BACH1: variants seen among roughly 807,000 people sequenced by gnomAD.
The protein encoded by BACH1 is BTB domain and CNC homolog 1.
Under a neutral mutation model 52.9 loss-of-function variants are expected in BACH1, and 35 were observed. The observed-to-expected ratio is 0.66, with a 90% CI of 0.51 to 0.88. BACH1 has a LOEUF of 0.88. BACH1 is among the 40% of genes least tolerant of loss of function. The pLI, the probability that BACH1 is intolerant of heterozygous loss-of-function variation, is 0.00. For synonymous variants in BACH1, 321 were observed against 319.6 expected (o/e 1.00, Z -0.05); for missense variants, 808 against 872.6 (o/e 0.93, Z 0.93).
intron 4 of BACH1, 32 bp downstream of exon 4, chr21:29,329,725 A>C: frequency 7.1e-7 from 1 of 1,411,028 alleles, no homozygotes; most frequent in East Asian, 2.6e-5. Context: ...TACTATTTAA[A>C]TTCCACCACT....
chr21:29,342,646 G>T lies in BACH1; in HGVS notation c.2024G>T (p.Arg675Leu), dbSNP rs906193032. 1 of 1,613,956 alleles carries T rather than the reference G, an allele frequency of 6.2e-7. No individual in the cohort carries two copies. Among genetic ancestry groups the T allele is most frequent in the African/African-American group, 1.3e-5 (1 of 74,872 alleles). The change falls in exon 5 of 5, where the codon CGG (arginine) becomes CTG (leucine). Residue 675 changes from arginine (R) to leucine (L), a missense_variant. Physicochemically the swap from Arg to Leu is moderately radical, Grantham distance 102. Coordinates refer to ENST00000286800, the MANE Select transcript of BACH1 (RefSeq NM_001186.4). ...CCATCAATTTTCAGTTTATCTGACCGGCCTCCAGCAGTGCTGCCTCCCTGT... is the reference window on the plus strand; with the variant it reads ...CCATCAATTTTCAGTTTATCTGACCTGCCTCCAGCAGTGCTGCCTCCCTGT... ...ALPSIFSLSD[R>L]PPAVLPPCAR...
Position 29,327,296 on chromosome 21 carries a change from C to T in BACH1, c.1472C>T (p.Pro491Leu). The T allele has an allele frequency of 6.2e-7, 1 of 1,614,190 alleles. No homozygotes were observed. The highest frequency in any genetic ancestry group is 8.5e-7 in the Non-Finnish European group (1 of 1,180,046). Reference protein sequence around the residue: ...DDYVSEPQQEPCPYACVISLG... With the variant: ...DDYVSEPQQELCPYACVISLG... ...TATGTTTCAGAACCCCAGCAAGAAC[C>T]TTGCCCATATGCTTGTGTCATTAGC... The change falls in exon 3 of 5, where the codon CCT becomes CTT. Residue 491 changes from proline (P) to leucine (L), a missense_variant. Pro to Leu is a moderately conservative substitution (Grantham distance 98). Transcript: ENST00000286800.
Position 29,343,700 on chromosome 21 carries a change from C to T in BACH1, c.*867C>T. Reference sequence around the variant, plus strand: ...GGCTCCCTAGAATCTGGAGAGCTTACCAACATGTAAAGCTGTTCATTTTTC... The same window carrying T: ...GGCTCCCTAGAATCTGGAGAGCTTATCAACATGTAAAGCTGTTCATTTTTC... On this transcript the variant is annotated 3_prime_UTR_variant, in exon 5 of 5. Coordinates refer to ENST00000286800, the MANE Select transcript of BACH1 (RefSeq NM_001186.4). 6.6e-6 allele frequency: 1 copy of T among 152,158 alleles called. No individual in the cohort carries two copies. Among genetic ancestry groups the T allele is most frequent in the Admixed American group, 6.5e-5 (1 of 15,268 alleles). 9.4% of individuals were successfully genotyped at this position (152,158 alleles called of 1,614,324 possible). A position where few individuals can be genotyped will look rare whatever the true frequency, so the allele number is the denominator to read the frequency against.
intron 4 of BACH1, among the ~76,000 whole-genome samples, chr21:29,331,453 T>G (rs763536259): frequency 5.3e-5 from 8 of 152,212 alleles, no homozygotes; most frequent in Non-Finnish European, 1.0e-4. Flanking sequence ...TGTTTGAGAG[T>G]AGCTATTATC....
intron 1 of BACH1, among the ~76,000 whole-genome samples, chr21:29,314,460 C>G (rs1183119809): frequency 6.6e-6 from 1 of 152,174 alleles, no homozygotes; most frequent in Non-Finnish European, 1.5e-5. Context: ...TTAGACCCAG[C>G]AACTATAACA....
intron 1 of BACH1, among the ~76,000 whole-genome samples, chr21:29,306,560 G>A (rs924900012): frequency 6.6e-6 from 1 of 152,160 alleles, no homozygotes; most frequent in Non-Finnish European, 1.5e-5. Flanking sequence ...ATCTTAGGTT[G>A]TGGCTGGGGT....
At chr21:29,307,341 G>A (rs1260781780) in intron 1 of BACH1, among the ~76,000 whole-genome samples, 1 of 152,082 alleles carries the variant, frequency 6.6e-6, no homozygotes, top group African/African-American at 2.4e-5. Context: ...TTTCTGTTTT[G>A]CTGTATGTGT....
downstream of BACH1, among the ~76,000 whole-genome samples, chr21:29,347,792 T>C (rs1408739232): frequency 1.3e-5 from 2 of 152,344 alleles, no homozygotes; most frequent in Non-Finnish European, 1.5e-5. Context: ...TGAACATTTT[T>C]CTCATCCCTA....
Position 29,326,687 on chromosome 21 carries a change from C to T in BACH1, c.863C>T (p.Pro288Leu). ...KCDESKLAME[P>L]EETKKDPASQ... ...GACGAAAGTAAATTAGCAATGGAAC[C>T]TGAAGAAACGAAGAAAGATCCTGCT... Residue 288 changes from proline to leucine, a missense_variant, in exon 3 of 5, where the codon CCT (proline) becomes CTT (leucine). By Grantham distance (98) the Pro-to-Leu change is moderately conservative (BLOSUM62 -3). Transcript: ENST00000286800. 6.2e-7 allele frequency: 1 copy of T among 1,614,138 alleles called. No individual in the cohort carries two copies. Among genetic ancestry groups the T allele is most frequent in the Non-Finnish European group, 8.5e-7 (1 of 1,180,026 alleles).
Position 29,342,691 on chromosome 21 carries a change from C to G in BACH1, c.2069C>G (p.Pro690Arg). 1.2e-6 allele frequency: 2 copies of G among 1,614,212 alleles called. No homozygotes were observed. The highest frequency in any genetic ancestry group is 1.7e-5 in the Admixed American group (1 of 60,026). ...LPPCARGNSEPGYARGQESQQ... is the reference protein window; with the variant it reads ...LPPCARGNSERGYARGQESQQ... ...CCCTGTGCCAGAGGAAACAGTGAGCCTGGCTACGCGCGAGGGCAGGAGTCC... is the reference window on the plus strand; with the variant it reads ...CCCTGTGCCAGAGGAAACAGTGAGCGTGGCTACGCGCGAGGGCAGGAGTCC... Residue 690 changes from proline (P) to arginine (R), a missense_variant, in exon 5 of 5, where the codon CCT (proline) becomes CGT (arginine). Coordinates refer to ENST00000286800, the MANE Select transcript of BACH1 (RefSeq NM_001186.4).
At chr21:29,356,552 G>C (rs1040792027) in intron 2 of BACH1, among the ~76,000 whole-genome samples, 3 of 152,198 alleles carry the variant, frequency 2.0e-5, no homozygotes, top group Admixed American at 1.3e-4. Context: ...AGGAGGAACC[G>C]TATATTATCC....
intron 4 of BACH1, among the ~76,000 whole-genome samples, chr21:29,330,315 C>G (rs1474240781): frequency 6.6e-6 from 1 of 152,024 alleles, no homozygotes; most frequent in Non-Finnish European, 1.5e-5. Flanking sequence ...CAGGCGCCTG[C>G]CACTGCGCCT....
At chr21:29,314,706 G>T (rs902703202) in intron 1 of BACH1, among the ~76,000 whole-genome samples, 1 of 151,998 alleles carries the variant, frequency 6.6e-6, no homozygotes, top group Admixed American at 6.6e-5. Flanking sequence ...GTTGCTGTAA[G>T]CTCCTCTGCT....
Position 29,345,357 on chromosome 21 carries a change from C to T in BACH1, c.*2524C>T, listed in dbSNP as rs2089158436. On this transcript the variant is annotated 3_prime_UTR_variant, in exon 5 of 5. Coordinates refer to ENST00000286800, the MANE Select transcript of BACH1 (RefSeq NM_001186.4). ...ATGAGTATACAGTGTATGCCTTTTCCTTCATGCAGAATTTTGAAATGTTTT... is the reference window on the plus strand; with the variant it reads ...ATGAGTATACAGTGTATGCCTTTTCTTTCATGCAGAATTTTGAAATGTTTT... 6.6e-6 allele frequency: 1 copy of T among 152,278 alleles called. No individual in the cohort carries two copies. Among genetic ancestry groups the T allele is most frequent in the South Asian group, 2.1e-4 (1 of 4,830 alleles). The allele number at this position is 152,278 out of a possible 1,614,324, so 9.4% of individuals were successfully genotyped here. A position where few individuals can be genotyped will look rare whatever the true frequency, so the allele number is the denominator to read the frequency against.
intron 1 of BACH1, among the ~76,000 whole-genome samples, chr21:29,303,409 A>G (rs2088623824): frequency 6.6e-6 from 1 of 152,190 alleles, no homozygotes; most frequent in Non-Finnish European, 1.5e-5. Context: ...TGTTTCTTTA[A>G]TAAACTGTTG....
chr21:29,329,530 G>A lies in BACH1; in HGVS notation c.1613G>A (p.Arg538Gln), dbSNP rs750785692. The change falls in exon 4 of 5, where the codon CGA becomes CAA. Residue 538 changes from arginine (R) to glutamine (Q), a missense_variant. Coordinates refer to ENST00000286800, the MANE Select transcript of BACH1 (RefSeq NM_001186.4). ...GCACAACGGATAATTTCACTGTCTC[G>A]AAATGATTTTCAGTCCTTGTTGAAA... ...FNAQRIISLS[R>Q]NDFQSLLKMH... is the part of the protein sequence containing the mutation. 5.0e-6 allele frequency: 8 copies of A among 1,599,186 alleles called. No individual in the cohort carries two copies. The highest frequency in any genetic ancestry group is 6.8e-6 in the Non-Finnish European group (8 of 1,174,274).
intron 4 of BACH1, among the ~76,000 whole-genome samples, chr21:29,341,796 T>G (rs1361015266): frequency 6.6e-6 from 1 of 152,224 alleles, no homozygotes; most frequent in Non-Finnish European, 1.5e-5. Flanking sequence ...AGATTGCATG[T>G]TGGAAAACAT....
In BACH1 at chr21:29,329,513, G is replaced by C; in HGVS notation, c.1596G>C (p.Arg532=). Residue 532 remains arginine, a synonymous_variant, in exon 4 of 5, where the codon CGG becomes CGC. Coordinates refer to ENST00000286800, the MANE Select transcript of BACH1 (RefSeq NM_001186.4). ...CEVKLPFNAQ[R]IISLSRNDFQ... is the part of the protein sequence containing the mutation. Reference sequence around the variant, plus strand: ...TAAAACTGCCATTCAATGCACAACGGATAATTTCACTGTCTCGAAATGATT... The same window carrying C: ...TAAAACTGCCATTCAATGCACAACGCATAATTTCACTGTCTCGAAATGATT... 1 of 1,588,346 alleles carries C rather than the reference G, an allele frequency of 6.3e-7. No homozygotes were observed. The highest frequency in any genetic ancestry group is 8.5e-7 in the Non-Finnish European group (1 of 1,169,758).
chr21:29,299,198 C>T (rs1426792734), intron 1 of BACH1, among the ~76,000 whole-genome samples: 2 of 151,656 alleles, frequency 1.3e-5, no homozygotes, highest in African/African-American at 4.8e-5. Context: ...GAACCCCCTG[C>T]ACTGCCGGAG....
Sources: gnomAD v4.1 joint callset for allele counts (sites outside exome capture counted in the v4.1 genomes callset) on GRCh38, gnomAD v4.1.1 for gene constraint, MANE v1.5 for transcripts, NCBI Gene and HGNC (gene_info 2026-07-23, HGNC 2026-07-21) for gene names.